NTRK3: variants seen among roughly 807,000 people sequenced by gnomAD.
NTRK3 encodes the protein NT-3 growth factor receptor.
NTRK3 carries 24 observed loss-of-function variants against 91.7 expected under a neutral mutation model. That is an observed-to-expected ratio of 0.26 (90% CI 0.19 to 0.37). NTRK3 has a LOEUF of 0.37. Ranked by LOEUF, NTRK3 falls within the 10% of genes least tolerant of loss-of-function variation. The probability of loss-of-function intolerance (pLI) is 1.00; values close to 1 mark genes in which losing one functional copy is unlikely to be tolerated. For synonymous variants in NTRK3, 483 were observed against 404.0 expected, an observed-to-expected ratio of 1.20 and a Z score of -2.34; for missense variants, 880 against 1,068.9, an observed-to-expected ratio of 0.82 and a Z score of 2.46.
rs189269195 is a variant in NTRK3 at position 87,910,518 on chromosome 15, G to C, written c.2133+18673C>G. Among the ~76,000 whole-genome samples the C allele has an allele frequency of 6.6e-5, 10 of 152,342 alleles. No individual in the cohort carries two copies. In the East Asian group the frequency reaches 1.9e-3, roughly 29 times the overall value. ...AAAACATGCCGTGTTTCAGTCTCCA[G>C]TGAACTCTCCAGGGGAGGCTTACAG... On this transcript the variant is annotated intron_variant, in intron 17 of 18. Transcript: ENST00000394480.
rs201878520 is a variant in NTRK3 at position 88,255,988 on chromosome 15, G to T, written c.166C>A (p.Leu56Ile). The T allele has an allele frequency of 1.9e-6, 3 of 1,613,548 alleles. No individual in the cohort carries two copies. Among genetic ancestry groups the T allele is most frequent in the African/African-American group, 1.3e-5 (1 of 74,814 alleles). The change falls in exon 3 of 19, where the codon CTC becomes ATC. Residue 56 changes from leucine to isoleucine, a missense_variant. Physicochemically the swap from Leu to Ile is conservative, Grantham distance 5. Coordinates refer to ENST00000394480, the Ensembl canonical transcript of NTRK3. The surrounding 1 kb of genome is among the most constrained non-coding windows in gnomAD (Gnocchi z 4.3). Reference sequence around the variant, plus strand: ...TTCCCTGAATCCTGCCCTTCCAGGAGGGGGAAGAGGTTCCCATCGTCCGGC... The same window carrying T: ...TTCCCTGAATCCTGCCCTTCCAGGATGGGGAAGAGGTTCCCATCGTCCGGC...
Position 88,136,657 on chromosome 15 carries a change from C to T in NTRK3, c.623-48G>A, listed in dbSNP as rs376119811. 14 of 1,591,024 alleles carry T rather than the reference C, an allele frequency of 8.8e-6. No individual in the cohort carries two copies. In the African/African-American group the frequency reaches 1.9e-4, roughly 21 times the overall value. ...GAAAAGACAGGCAAACACTTACTACCCAAAGGAAGCTCTGTCCATGGGGCT... is the reference window on the plus strand; with the variant it reads ...GAAAAGACAGGCAAACACTTACTACTCAAAGGAAGCTCTGTCCATGGGGCT... On this transcript the variant is annotated intron_variant, in intron 7 of 18. Transcript: ENST00000394480.
chr15:88,213,689 C>T (rs1054578162), intron 3 of NTRK3, among the ~76,000 whole-genome samples: 5 of 152,132 alleles, frequency 3.3e-5, no homozygotes, highest in African/African-American at 7.2e-5. Context: ...CACAGTCCTG[C>T]GAGGTAAATG....
At chr15:87,924,650 G>T (rs758161357) in intron 17 of NTRK3, among the ~76,000 whole-genome samples, 3 of 152,162 alleles carry the variant, frequency 2.0e-5, no homozygotes, top group East Asian at 1.9e-4. Context: ...GCCTGCAGCT[G>T]CATTCCACAT....
At chr15:87,923,024 G>C (rs1235174852) in intron 17 of NTRK3, among the ~76,000 whole-genome samples, 1 of 152,158 alleles carries the variant, frequency 6.6e-6, no homozygotes, top group Non-Finnish European at 1.5e-5. Context: ...AATAGAAAAG[G>C]GGATCTTGCA....
chr15:88,169,120 G>C (rs536088907), intron 5 of NTRK3, among the ~76,000 whole-genome samples: 137 of 152,322 alleles, frequency 9.0e-4, no homozygotes, highest in Middle Eastern at 3.4e-3. Flanking sequence ...CATGCAGGGA[G>C]ATGCTGGAAC....
At chr15:88,108,114 A>G (rs1485926646) in intron 13 of NTRK3, among the ~76,000 whole-genome samples, 1 of 152,032 alleles carries the variant, frequency 6.6e-6, no homozygotes, top group Non-Finnish European at 1.5e-5. Flanking sequence ...TAACAGCAAG[A>G]CTCCAGGTTC....
At chr15:88,107,706 G>A (rs1412401394) in intron 13 of NTRK3, among the ~76,000 whole-genome samples, 1 of 152,098 alleles carries the variant, frequency 6.6e-6, no homozygotes, top group African/African-American at 2.4e-5. Flanking sequence ...TGTCTAATTG[G>A]GAAGAATGGA....
intron 13 of NTRK3, among the ~76,000 whole-genome samples, chr15:88,116,273 C>G (rs556114006): frequency 1.3e-5 from 2 of 152,138 alleles, no homozygotes; most frequent in African/African-American, 2.4e-5. Context: ...GAGGATAGAA[C>G]TGAAATGCCT....
chr15:88,236,090 C>G (rs1044987771), intron 3 of NTRK3, among the ~76,000 whole-genome samples: 1 of 152,158 alleles, frequency 6.6e-6, no homozygotes, highest in Non-Finnish European at 1.5e-5. Context: ...AATTTCACTC[C>G]TGGGGAATGA....
intron 10 of NTRK3, among the ~76,000 whole-genome samples, chr15:88,129,956 T>C (rs937166602): frequency 2.2e-4 from 33 of 152,058 alleles, no homozygotes; most frequent in African/African-American, 7.7e-4. Flanking sequence ...GATGTCCTTA[T>C]AAGAGGAAAT....
intron 17 of NTRK3, among the ~76,000 whole-genome samples, chr15:87,905,227 G>C (rs1169829240): frequency 6.6e-6 from 1 of 152,142 alleles, no homozygotes; most frequent in African/African-American, 2.4e-5. Flanking sequence ...GACATGCATA[G>C]AGACCCTGGG....
At chr15:87,950,952 A>C (rs1428270252) in intron 14 of NTRK3, among the ~76,000 whole-genome samples, 4 of 152,200 alleles carry the variant, frequency 2.6e-5, no homozygotes, top group Non-Finnish European at 5.9e-5. Context: ...AACATAGAGT[A>C]TCCATGTCTT....
At chr15:88,171,749 G>A (rs1306129733) in intron 5 of NTRK3, among the ~76,000 whole-genome samples, 1 of 152,210 alleles carries the variant, frequency 6.6e-6, no homozygotes, top group Admixed American at 6.5e-5. Context: ...AGTCAAACTT[G>A]GGTTCACAGC....
intron 14 of NTRK3, among the ~76,000 whole-genome samples, chr15:87,989,533 A>G (rs1360599001): frequency 6.6e-6 from 1 of 152,174 alleles, no homozygotes; most frequent in African/African-American, 2.4e-5. Context: ...GAATAGCATT[A>G]GGAGATATAC....
chr15:87,996,972 T>A (rs1016293193), intron 14 of NTRK3, among the ~76,000 whole-genome samples: 1 of 152,224 alleles, frequency 6.6e-6, no homozygotes, highest in East Asian at 1.9e-4. Flanking sequence ...ACACATTCAA[T>A]GCCTAGCAGC....
intron 14 of NTRK3, among the ~76,000 whole-genome samples, chr15:88,018,275 A>C (rs1316633508): frequency 6.6e-6 from 1 of 152,210 alleles, no homozygotes; most frequent in African/African-American, 2.4e-5. Flanking sequence ...AGTGCTAGAG[A>C]GGAATTGCCT....
chr15:88,231,931 T>G (rs1239683650), intron 3 of NTRK3, among the ~76,000 whole-genome samples: 2 of 152,242 alleles, frequency 1.3e-5, no homozygotes, highest in East Asian at 3.8e-4. Context: ...AAATTTTTTT[T>G]GAGCCATTTG....
chr15:88,068,900 T>C (rs112190322), intron 13 of NTRK3, among the ~76,000 whole-genome samples: 12 of 150,790 alleles, frequency 8.0e-5, no homozygotes, highest in African/African-American at 2.7e-4. Context: ...GACCAAGAGA[T>C]TAGAGGTCAA....
Sources: allele counts gnomAD v4.1 joint callset (sites outside exome capture counted in the v4.1 genomes callset), GRCh38; gene constraint gnomAD v4.1.1; non-coding constraint Gnocchi (gnomAD v3.1); transcripts MANE v1.5; gene names NCBI Gene and HGNC (gene_info 2026-07-23, HGNC 2026-07-21).